Variants in CGGBP1 observed in about 807,000 individuals in gnomAD.
The protein encoded by CGGBP1 is CGG triplet repeat binding protein 1.
CGGBP1 carries 4 observed loss-of-function variants against 11.4 expected under a neutral mutation model. That is an observed-to-expected ratio of 0.35 (90% confidence interval 0.17 to 0.80). The LOEUF is 0.80. Ranked by LOEUF, CGGBP1 falls within the 30% of genes least tolerant of loss-of-function variation. CGGBP1 has a pLI of 0.52. For synonymous variants in CGGBP1, 76 were observed against 74.1 expected (o/e 1.03, Z -0.13); for missense variants, 135 against 202.1 (o/e 0.67, Z 2.01).
At chr3:88,103,284 G>A (rs1366985947) in intron 2 of CGGBP1, among the ~76,000 whole-genome samples, 21 of 152,062 alleles carry the variant, frequency 1.4e-4, no homozygotes, top group African/African-American at 1.4e-4. Context: ...TGGAAATTTC[G>A]GCACAGAAAC....
intron 2 of CGGBP1, among the ~76,000 whole-genome samples, chr3:88,065,637 T>A (rs1346799651): frequency 2.0e-5 from 3 of 152,156 alleles, no homozygotes; most frequent in African/African-American, 4.8e-5. Context: ...TTTAGTTTTT[T>A]AAAAATTAAA....
intron 1 of CGGBP1, chr3:88,141,660 G>T: frequency 6.7e-7 from 1 of 1,503,636 alleles, no homozygotes; most frequent in Non-Finnish European, 9.0e-7. Flanking sequence ...TGATGAAAAC[G>T]GTTCAGAAAG....
intron 2 of CGGBP1, among the ~76,000 whole-genome samples, chr3:88,069,119 C>T (rs538992712): frequency 7.2e-6 from 1 of 138,038 alleles, no homozygotes; most frequent in South Asian, 2.6e-4. Flanking sequence ...AGCAGAAGTT[C>T]CCCATCAGAA....
chr3:88,126,026 A>C, intron 2 of CGGBP1: 4 of 1,183,470 alleles, frequency 3.4e-6, no homozygotes, highest in Non-Finnish European at 4.5e-6. Flanking sequence ...CTCTTTTATA[A>C]TTTAATAGCT....
chr3:88,077,077 TA>T (rs1379553800), intron 2 of CGGBP1, among the ~76,000 whole-genome samples: 1 of 152,136 alleles, frequency 6.6e-6, no homozygotes, highest in African/African-American at 2.4e-5. Flanking sequence ...TGAGATAGAG[TA>T]AGTTCTTATT....
intron 2 of CGGBP1, among the ~76,000 whole-genome samples, chr3:88,129,321 TAAAAA>T (rs11370327): frequency 7.8e-5 from 6 of 76,946 alleles, no homozygotes; most frequent in South Asian, 5.3e-4. Flanking sequence ...TTGCCAGGAG[TAAAAA>T]AAAAAAAAAA....
At chr3:88,109,327 T>G (rs1704948519) in intron 2 of CGGBP1, among the ~76,000 whole-genome samples, 1 of 152,108 alleles carries the variant, frequency 6.6e-6, no homozygotes, top group South Asian at 2.1e-4. Flanking sequence ...TGAATAGAAA[T>G]TTCTGTAAGA....
intron 2 of CGGBP1, among the ~76,000 whole-genome samples, chr3:88,093,250 C>T (rs1199841566): frequency 2.6e-5 from 4 of 152,132 alleles, no homozygotes; most frequent in Admixed American, 1.3e-4. Flanking sequence ...TTAAGTTTCA[C>T]AGGTGAAACA....
chr3:88,097,104 T>C (rs773951006), intron 2 of CGGBP1, among the ~76,000 whole-genome samples: 2 of 152,148 alleles, frequency 1.3e-5, no homozygotes, highest in Non-Finnish European at 2.9e-5. Context: ...AATCTTTTGC[T>C]GTTATCAACA....
intron 2 of CGGBP1, among the ~76,000 whole-genome samples, chr3:88,080,339 G>T (rs1708015433): frequency 6.6e-6 from 1 of 151,934 alleles, no homozygotes; most frequent in Non-Finnish European, 1.5e-5. Flanking sequence ...TAATTTTGTT[G>T]TTTTCTTTTC....
Position 88,055,385 on chromosome 3 carries a change from T to A in CGGBP1, c.*88A>T. The A allele has an allele frequency of 7.9e-7, 1 of 1,273,548 alleles. No individual in the cohort carries two copies. Among genetic ancestry groups the A allele is most frequent in the Non-Finnish European group, 1.1e-6 (1 of 934,624 alleles). 78.9% of individuals were successfully genotyped at this position (1,273,548 alleles called of 1,614,324 possible). A position where few individuals can be genotyped will look rare whatever the true frequency, so the allele number is the denominator to read the frequency against. On this transcript the variant is annotated 3_prime_UTR_variant, in exon 4 of 4. Coordinates refer to ENST00000482016, the MANE Select transcript of CGGBP1 (RefSeq NM_001008390.2). This position sits in a 1 kb window ranked among gnomAD's most constrained non-coding sequence, Gnocchi z 4.2. ...CTATTCTGCGTCACATGATTTTAAATGAAATAAATACAAAAATGAACCACA... is the reference window on the plus strand; with the variant it reads ...CTATTCTGCGTCACATGATTTTAAAAGAAATAAATACAAAAATGAACCACA...
intron 3 of CGGBP1, 91 bp from the exon 4 acceptor site, chr3:88,056,090 A>G: frequency 2.1e-6 from 2 of 946,094 alleles, no homozygotes; most frequent in Non-Finnish European, 3.1e-6. Context: ...AAACACTTCA[A>G]ATACTTCAAA....
At chr3:88,061,959 A>G (rs1706911555), upstream of CGGBP1, among the ~76,000 whole-genome samples, 1 of 152,176 alleles carries the variant, frequency 6.6e-6, no homozygotes, top group African/African-American at 2.4e-5. Flanking sequence ...GGGAAATATG[A>G]ATCAAAATTT....
chr3:88,128,362 C>T (rs1289472469), intron 2 of CGGBP1, among the ~76,000 whole-genome samples: 1 of 151,908 alleles, frequency 6.6e-6, no homozygotes, highest in Admixed American at 6.6e-5. Context: ...CAGATTACAT[C>T]TCTATAATTA....
chr3:88,116,535 AAAAT>A (rs1469691783), intron 2 of CGGBP1, among the ~76,000 whole-genome samples: 1 of 130,466 alleles, frequency 7.7e-6, no homozygotes, highest in East Asian at 2.2e-4. Context: ...AAAAGAAAAA[AAAAT>A]ACATACATAC....
intron 2 of CGGBP1, among the ~76,000 whole-genome samples, chr3:88,128,000 T>A (rs1706221567): frequency 6.6e-6 from 1 of 152,216 alleles, no homozygotes; most frequent in South Asian, 2.1e-4. Flanking sequence ...TGATTAAATA[T>A]AAGTAATTAA....
At chr3:88,059,441 G>C (rs1576166018), upstream of CGGBP1, 2 of 1,522,900 alleles carry the variant, frequency 1.3e-6, no homozygotes, top group East Asian at 2.5e-5. Context: ...GGCGGCGCTG[G>C]CAGCGGCAAC....
upstream of CGGBP1, among the ~76,000 whole-genome samples, chr3:88,062,571 A>G (rs1706945908): frequency 6.6e-6 from 1 of 152,220 alleles, no homozygotes; most frequent in Admixed American, 6.5e-5. Flanking sequence ...GAAAGTTTTA[A>G]TAATTCAATT....
intron 2 of CGGBP1, chr3:88,139,860 G>A (rs766111404): frequency 3.7e-6 from 6 of 1,600,766 alleles, no homozygotes; most frequent in Non-Finnish European, 5.1e-6. Context: ...CAATGGAACT[G>A]TGTGCCATCC....
Sources: allele counts gnomAD v4.1 joint callset (sites outside exome capture counted in the v4.1 genomes callset), GRCh38; gene constraint gnomAD v4.1.1; non-coding constraint Gnocchi (gnomAD v3.1); transcripts MANE v1.5; gene names NCBI Gene and HGNC (gene_info 2026-07-23, HGNC 2026-07-21).